Variants in TRIM14 observed in about 807,000 individuals in gnomAD.
TRIM14 encodes tripartite motif-containing protein 14.
A neutral mutation model predicts 44.5 loss-of-function variants in TRIM14; 28 were observed. That is an observed-to-expected ratio of 0.63 (90% confidence interval 0.47 to 0.86). The LOEUF is 0.86. TRIM14 is among the 40% of genes least tolerant of loss of function. TRIM14 has a pLI of 0.00. For synonymous variants in TRIM14, 299 were observed against 269.2 expected, an observed-to-expected ratio of 1.11 and a Z score of -1.08; for missense variants, 607 against 611.1, an observed-to-expected ratio of 0.99 and a Z score of 0.07.
chr9:98,099,056 A>G (rs1826291634), intron 3 of TRIM14, among the ~76,000 whole-genome samples: 2 of 152,160 alleles, frequency 1.3e-5, no homozygotes, highest in African/African-American at 2.4e-5. Flanking sequence ...AACAAAGCCC[A>G]GTGGCCAAGG....
intron 2 of TRIM14, among the ~76,000 whole-genome samples, chr9:98,107,627 CGGG>C (rs1389265545): frequency 6.6e-6 from 1 of 151,360 alleles, no homozygotes; most frequent in Non-Finnish European, 1.5e-5. Flanking sequence ...AGGGATTGGT[CGGG>C]GGGATACAGT....
Position 98,119,160 on chromosome 9 carries a change from G to A in TRIM14, c.29C>T (p.Thr10Ile). The A allele has an allele frequency of 1.9e-6, 3 of 1,580,736 alleles. No homozygotes were observed. The highest frequency in any genetic ancestry group is 2.6e-6 in the Non-Finnish European group (3 of 1,173,344). ...CTCGACAAGCTCCGACCTCCCAGGG[G>A]TCCGGCTCCCGGTCGCCGCGCCCGC... is the stretch of plus-strand genomic sequence containing the variant. MAGAATGSRTPGRSELVEGC... is the reference protein window; with the variant it reads MAGAATGSRIPGRSELVEGC... The change falls in exon 1 of 6, where the codon ACC becomes ATC. Residue 10 changes from threonine to isoleucine, a missense_variant. Thr to Ile is a moderately conservative substitution (Grantham distance 89). This residue lies in a region of TRIM14 where 246 missense variants were observed against 270.8 expected (regional missense o/e 0.91). Transcript: ENST00000341469.
intron 1 of TRIM14, among the ~76,000 whole-genome samples, chr9:98,114,800 T>C (rs1826987891): frequency 6.6e-6 from 1 of 152,172 alleles, no homozygotes. Context: ...AGAACTCTAA[T>C]AAAAACCTGA....
At position 98,087,934 on chromosome 9, in the gene TRIM14, C is replaced by A; in HGVS notation, c.865G>T (p.Val289Leu). 6.4e-7 allele frequency: 1 copy of A among 1,566,582 alleles called. No individual in the cohort carries two copies. The highest frequency in any genetic ancestry group is 2.4e-5 in the East Asian group (1 of 41,288). Residue 289 changes from valine to leucine, a missense_variant, in exon 6 of 6, where the codon GTG (valine) becomes TTG (leucine). Physicochemically the swap from Val to Leu is conservative, Grantham distance 32. This residue lies in a region of TRIM14 where 356 missense variants were observed against 323.0 expected (regional missense o/e 1.10). Transcript: ENST00000341469. ...RLRLSADRLT[V>L]RCGLLGSLGP... ...AGGCTGCCCAGCAGGCCGCAGCGCA[C>A]CGTCAGGCGATCGGCGGACAGGCGC...
chr9:98,039,523 A>G, the TRIM14 span, among the ~76,000 whole-genome samples: 2 of 152,158 alleles, frequency 1.3e-5, no homozygotes, highest in South Asian at 2.1e-4. Flanking sequence ...GACTAATATT[A>G]GACATAAGAT....
At chr9:98,112,238 A>G (rs568046616) in intron 1 of TRIM14, among the ~76,000 whole-genome samples, 1 of 152,338 alleles carries the variant, frequency 6.6e-6, no homozygotes, top group East Asian at 1.9e-4. Flanking sequence ...TACTTGATAT[A>G]AAAGAAACAG....
chr9:98,091,063 G>A (rs190304820), intron 5 of TRIM14, among the ~76,000 whole-genome samples: 5 of 152,126 alleles, frequency 3.3e-5, no homozygotes, highest in East Asian at 1.9e-4. Flanking sequence ...GTCTTTTTTA[G>A]GTTGACACCC....
chr9:98,049,361 AAAAAAG>A, the TRIM14 span, among the ~76,000 whole-genome samples: 2 of 151,456 alleles, frequency 1.3e-5, no homozygotes, highest in African/African-American at 4.9e-5. Flanking sequence ...AAAAAAAAAA[AAAAAAG>A]AATGACTATT....
rs191661720 is a variant in TRIM14, at chr9:98,095,675, T to G, written c.538-646A>C. The stretch of plus-strand genomic sequence containing the variant: ...GAAAACCCCCTCTCCCAGCTCCCTT[T>G]GCACCTGTGCTGCAGGAGTGTGACC... On this transcript the variant is annotated intron_variant, in intron 3 of 5. Transcript: ENST00000341469. This position sits in a 1 kb window ranked among gnomAD's most constrained non-coding sequence, Gnocchi z 4.1. 8.5e-5 allele frequency among the ~76,000 whole-genome samples: 13 copies of G among 152,306 alleles called. 1 individual carries two copies. In the East Asian group the frequency reaches 2.3e-3, roughly 27 times the overall value.
the TRIM14 span, chr9:98,057,034 G>C: frequency 8.1e-4 from 1,149 of 1,419,142 alleles, 4 homozygotes; most frequent in African/African-American, 0.015. Context: ...CCGCGGCTGG[G>C]TACCCTGGTC....
intron 2 of TRIM14, among the ~76,000 whole-genome samples, chr9:98,107,677 T>A (rs923815942): frequency 6.6e-6 from 1 of 151,758 alleles, no homozygotes; most frequent in African/African-American, 2.4e-5. Context: ...AGGTAGATTT[T>A]TTTTTTTAAG....
chr9:98,082,610 C>T (rs1829924487), downstream of TRIM14, among the ~76,000 whole-genome samples: 1 of 152,240 alleles, frequency 6.6e-6, no homozygotes, highest in Non-Finnish European at 1.5e-5. Context: ...TACATAGCCT[C>T]AGCCCTTTCC....
At chr9:98,049,338 C>CAAAA in the TRIM14 span, among the ~76,000 whole-genome samples, 6 of 38,580 alleles carry the variant, frequency 1.6e-4, 1 homozygote, top group African/African-American at 7.9e-4. Context: ...TGAGACTCTG[C>CAAAA]ATAAAAAAAA....
rs560187290 is a variant in TRIM14 at position 98,073,810 on chromosome 9, T to TATTTTTTGTTTTGTCACCC, written c.*29-4142_*29-4124dup. Among the ~76,000 whole-genome samples, 361 of 129,930 alleles carry TATTTTTTGTTTTGTCACCC rather than the reference T, an allele frequency of 2.8e-3. 1 individual carries two copies. The highest frequency in any genetic ancestry group is 0.013 in the African/African-American group (350 of 26,652). The allele number at this position is 129,930 out of a possible 152,430, so 85.2% of individuals were successfully genotyped here. On this transcript the variant is annotated intron_variant, in intron 6 of 6. Coordinates refer to the TRIM14 transcript ENST00000375098. ...AGAATCAATAAAGGGTTTTTTGGTT[T>TATTTTTTGTTTTGTCACCC]ATTTTTTGTTTTGTCACCCAGGCTG...
At chr9:98,082,723 A>G (rs1165680252), downstream of TRIM14, 8 of 815,926 alleles carry the variant, frequency 9.8e-6, no homozygotes, top group Admixed American at 4.8e-5. Flanking sequence ...GTAGGGGGCA[A>G]CAGAGTGCCT....
chr9:98,110,830 G>A (rs568359272), intron 1 of TRIM14, among the ~76,000 whole-genome samples: 5 of 130,472 alleles, frequency 3.8e-5, no homozygotes, highest in African/African-American at 2.1e-4. Flanking sequence ...AACATAGTGA[G>A]ACTCTGCCTC....
chr9:98,110,172 G>C (rs12345591), intron 1 of TRIM14, 188 bp from the exon 2 acceptor site: 1 of 582,044 alleles, frequency 1.7e-6, no homozygotes, highest in Non-Finnish European at 3.1e-6. Flanking sequence ...TCTGATCCTC[G>C]GAGGTCCACA....
At chr9:98,083,069 T>C (rs760106117), downstream of TRIM14, 3 of 1,611,020 alleles carry the variant, frequency 1.9e-6, no homozygotes, top group East Asian at 6.7e-5. Context: ...TAAAGTGCCA[T>C]TCTCTGAATT....
At chr9:98,110,172 G>A (rs12345591) in intron 1 of TRIM14, 188 bp from the exon 2 acceptor site, 26,752 of 582,114 alleles carry the variant, frequency 0.046, 3,718 homozygotes, top group African/African-American at 0.36. Context: ...TCTGATCCTC[G>A]GAGGTCCACA....
Sources: allele counts gnomAD v4.1 joint callset (sites outside exome capture counted in the v4.1 genomes callset), GRCh38; gene constraint gnomAD v4.1.1; regional missense constraint gnomAD v4.1.1; non-coding constraint Gnocchi (gnomAD v3.1); transcripts MANE v1.5; gene names NCBI Gene and HGNC (gene_info 2026-07-23, HGNC 2026-07-21).